RASA1: variants seen among roughly 807,000 people sequenced by gnomAD.
The protein encoded by RASA1 is ras GTPase-activating protein 1.
Under a neutral mutation model 132.2 loss-of-function variants are expected in RASA1, and 25 were observed. The observed-to-expected ratio is 0.19, with a 90% CI of 0.14 to 0.26. The LOEUF (loss-of-function observed/expected upper bound fraction) is 0.26. Among genes scored for constraint, RASA1 ranks in the 10% least tolerant of loss-of-function variants. The pLI is 1.00. For missense variants in RASA1, 964 were observed against 1,299.2 expected (o/e 0.74, Z 3.97); for synonymous variants, 477 against 449.9 (o/e 1.06, Z -0.76).
At chr5:87,335,443 T>TTG (rs1283313798) in intron 4 of RASA1, among the ~76,000 whole-genome samples, 8 of 142,542 alleles carry the variant, frequency 5.6e-5, no homozygotes, top group African/African-American at 1.9e-4. Context: ...TTTTTTTTTT[T>TTG]TGTGACAGTT....
At chr5:87,383,678 TAAAAAA>T in intron 20 of RASA1, 29 bp from the exon 21 acceptor site, 6 of 1,319,642 alleles carry the variant, frequency 4.5e-6, no homozygotes, top group Non-Finnish European at 6.3e-6. Context: ...AGGTGTTTTC[TAAAAAA>T]AAAAAAAAAA....
intron 1 of RASA1, among the ~76,000 whole-genome samples, chr5:87,291,845 C>A: frequency 6.6e-6 from 1 of 152,184 alleles, no homozygotes; most frequent in East Asian, 1.9e-4. Flanking sequence ...GCCTGCAGAA[C>A]CATGAGCCAG....
chr5:87,287,611 A>G (rs1006628523), intron 1 of RASA1, among the ~76,000 whole-genome samples: 3 of 149,458 alleles, frequency 2.0e-5, no homozygotes, highest in Non-Finnish European at 3.0e-5. Flanking sequence ...CACGCCATAT[A>G]TATACCATAC....
chr5:87,279,401 A>G (rs956463000), intron 1 of RASA1, among the ~76,000 whole-genome samples: 1 of 152,146 alleles, frequency 6.6e-6, no homozygotes, highest in Non-Finnish European at 1.5e-5. Context: ...TTAACCGTTC[A>G]GCCATTGGGG....
Position 87,388,714 on chromosome 5 carries a change from A to AATGAG in RASA1, c.2926-678_2926-677insTGAGA, listed in dbSNP as rs534644924. Among the ~76,000 whole-genome samples, 1,370 of 152,318 alleles carry AATGAG rather than the reference A, an allele frequency of 9.0e-3. 1 individual carries two copies. The highest frequency in any genetic ancestry group is 0.031 in the African/African-American group (1,271 of 41,564). On this transcript the variant is annotated intron_variant, in intron 23 of 24. Coordinates refer to ENST00000274376, the MANE Select transcript of RASA1 (RefSeq NM_002890.3). ...CTGAGCATAGTCCACAGATAATTGC[A>AATGAG]AACCTGACAGGTTCTCATTGCATTT...
Position 87,379,228 on chromosome 5 carries a change from G to A in RASA1, c.2488-507G>A, listed in dbSNP as rs145009564. ...ATTAGTGATTTAATGTTGGAAATGTGGGGTAATGCCATAGTTGGCCTAACA... is the reference window on the plus strand; with the variant it reads ...ATTAGTGATTTAATGTTGGAAATGTAGGGTAATGCCATAGTTGGCCTAACA... On this transcript the variant is annotated intron_variant, in intron 18 of 24. Coordinates refer to ENST00000274376, the MANE Select transcript of RASA1 (RefSeq NM_002890.3). Among the ~76,000 whole-genome samples the A allele has an allele frequency of 2.7e-3, 407 of 152,216 alleles. 5 individuals are homozygous for A. Among genetic ancestry groups the A allele is most frequent in the East Asian group, 8.9e-3 (46 of 5,178 alleles).
chr5:87,369,699 C>T, intron 11 of RASA1, 114 bp from the exon 12 acceptor site: 1 of 753,902 alleles, frequency 1.3e-6, no homozygotes, highest in Non-Finnish European at 2.2e-6. Flanking sequence ...AGTATTATTT[C>T]TTTAAGAATT....
chr5:87,310,929 T>C (rs1755873387), intron 1 of RASA1, among the ~76,000 whole-genome samples: 1 of 152,126 alleles, frequency 6.6e-6, no homozygotes. Flanking sequence ...GCCACATAGC[T>C]GCAGAAAAAA....
At chr5:87,374,811 GTTAA>G in intron 14 of RASA1, 25 bp from the exon 15 acceptor site, 2 of 1,602,242 alleles carry the variant, frequency 1.2e-6, no homozygotes, top group Non-Finnish European at 1.7e-6. Context: ...AAAACATTTT[GTTAA>G]TTCTTTTTCT....
chr5:87,287,154 A>G (rs1310631997), intron 1 of RASA1, among the ~76,000 whole-genome samples: 1 of 147,066 alleles, frequency 6.8e-6, no homozygotes, highest in African/African-American at 2.5e-5. Context: ...CACCGTATAT[A>G]TACACTGTAT....
Position 87,346,696 on chromosome 5 carries a change from A to G in RASA1, c.1074A>G (p.Lys358=). ...GATGGTTCCATGGGAAGATTTCCAA[A>G]CAGGAAGCTTATAATTTACTAATGA... ...GKIWFHGKIS[K]QEAYNLLMTV... Residue 358 remains lysine, a synonymous_variant, in exon 7 of 25, where the codon AAA becomes AAG. Transcript: ENST00000274376. 6.4e-7 allele frequency: 1 copy of G among 1,553,232 alleles called. No homozygotes were observed. The highest frequency in any genetic ancestry group is 1.1e-5 in the South Asian group (1 of 89,120).
At position 87,271,239 on chromosome 5, in the gene RASA1, AAAAC is replaced by A. The variant is rs550715329; in HGVS notation, c.539+2265_539+2268del. Among the ~76,000 whole-genome samples, 44 of 152,186 alleles carry A rather than the reference AAAAC, an allele frequency of 2.9e-4. 1 individual carries two copies. The highest frequency in any genetic ancestry group is 9.2e-4 in the Admixed American group (14 of 15,288). On this transcript the variant is annotated intron_variant, in intron 1 of 24. Coordinates refer to ENST00000274376, the MANE Select transcript of RASA1 (RefSeq NM_002890.3). ...GGCAATAAGAGCTTAACCCCGTCTC[AAAAC>A]AAACAAACAAACAAAAAAACAATAT... is the stretch of plus-strand genomic sequence containing the variant.
intron 1 of RASA1, among the ~76,000 whole-genome samples, chr5:87,291,755 G>A (rs943385896): frequency 1.3e-5 from 2 of 152,070 alleles, no homozygotes; most frequent in African/African-American, 4.8e-5. Context: ...GTTTGTTCCC[G>A]CTTTGCCTTC....
intron 1 of RASA1, among the ~76,000 whole-genome samples, chr5:87,312,509 T>G (rs1755998178): frequency 6.6e-6 from 1 of 152,240 alleles, no homozygotes; most frequent in South Asian, 2.1e-4. Context: ...TATTGACAGC[T>G]ATAACCTACA....
In RASA1 at chr5:87,285,032, CCATT is replaced by C. The variant is rs777254062; in HGVS notation, c.539+16043_539+16046del. Among the ~76,000 whole-genome samples the C allele has an allele frequency of 4.8e-3, 654 of 136,760 alleles. 4 individuals carry two copies. Among genetic ancestry groups the C allele is most frequent in the Non-Finnish European group, 7.0e-3 (443 of 63,212 alleles). 89.7% of individuals were successfully genotyped at this position (136,760 alleles called of 152,430 possible). On this transcript the variant is annotated intron_variant, in intron 1 of 24. Coordinates refer to ENST00000274376, the MANE Select transcript of RASA1 (RefSeq NM_002890.3). ...TTAAAGTGCTGCGGAGATAATGGTACCATTTATTTATTTATTTATTTATTTATTT... is the reference window on the plus strand; with the variant it reads ...TTAAAGTGCTGCGGAGATAATGGTACTATTTATTTATTTATTTATTTATTT...
intron 12 of RASA1, among the ~76,000 whole-genome samples, chr5:87,370,605 G>A (rs1347133749): frequency 6.6e-6 from 1 of 152,146 alleles, no homozygotes; most frequent in East Asian, 1.9e-4. Context: ...GAGTTACAGT[G>A]AGTAAGATCG....
At chr5:87,322,656 T>C (rs1366619675) in intron 1 of RASA1, among the ~76,000 whole-genome samples, 2 of 152,172 alleles carry the variant, frequency 1.3e-5, no homozygotes, top group African/African-American at 4.8e-5. Context: ...ATGCTTCCTC[T>C]ATAGTCCTGC....
At chr5:87,298,742 A>G (rs550612276) in intron 1 of RASA1, among the ~76,000 whole-genome samples, 6 of 152,270 alleles carry the variant, frequency 3.9e-5, no homozygotes, top group Admixed American at 2.0e-4. Context: ...TTTATTTTCA[A>G]TATTTGCTGA....
chr5:87,325,845 A>G (rs534388715), intron 1 of RASA1, among the ~76,000 whole-genome samples: 51 of 152,330 alleles, frequency 3.3e-4, no homozygotes, highest in Admixed American at 3.1e-3. Context: ...CTGTATTCAC[A>G]CTAGGATATT....
Sources: allele counts gnomAD v4.1 joint callset (sites outside exome capture counted in the v4.1 genomes callset), GRCh38; gene constraint gnomAD v4.1.1; transcripts MANE v1.5; gene names NCBI Gene and HGNC (gene_info 2026-07-23, HGNC 2026-07-21).